The following CDK19 variants were observed in gnomAD, a reference collection of about 807,000 sequenced individuals.
CDK19 encodes the protein cyclin dependent kinase 19.
Under a neutral mutation model 68.3 loss-of-function variants are expected in CDK19, and 20 were observed. The ratio of observed to expected loss-of-function variants is 0.29; its 90% CI spans 0.21 to 0.43. The LOEUF (loss-of-function observed/expected upper bound fraction) is 0.43, where lower values mean the gene tolerates loss of function less well. CDK19 is among the 20% of genes least tolerant of loss of function. The probability of loss-of-function intolerance (pLI) is 1.00; values close to 1 mark genes in which losing one functional copy is unlikely to be tolerated. For synonymous variants in CDK19, 221 were observed against 222.8 expected, an observed-to-expected ratio of 0.99 and a Z score of 0.07; for missense variants, 339 against 623.5, an observed-to-expected ratio of 0.54 and a Z score of 4.86.
intron 2 of CDK19, among the ~76,000 whole-genome samples, chr6:110,723,891 C>T (rs1368434419): frequency 2.0e-5 from 3 of 152,028 alleles, no homozygotes; most frequent in East Asian, 3.9e-4. Flanking sequence ...ATTCTCTTCC[C>T]GTTATCTAGA....
intron 2 of CDK19, among the ~76,000 whole-genome samples, chr6:110,679,636 AAAAG>A (rs1357218884): frequency 4.6e-5 from 7 of 152,196 alleles, no homozygotes; most frequent in African/African-American, 1.7e-4. Context: ...TTTTTTTAAA[AAAAG>A]AAAGTTAAAT....
rs377512311 is a variant in CDK19, at chr6:110,628,532, A to G, written c.647-1387T>C. On this transcript the variant is annotated intron_variant, in intron 6 of 12. Coordinates refer to ENST00000368911, the MANE Select transcript of CDK19 (RefSeq NM_015076.5). The stretch of plus-strand genomic sequence containing the variant: ...TCATCCCTCTGTTCATCCACACTGT[A>G]TACTCACTACCCACTGGTTAGTCAC... Among the ~76,000 whole-genome samples, 113 of 152,314 alleles carry G rather than the reference A, an allele frequency of 7.4e-4. 1 individual carries two copies. Among genetic ancestry groups the G allele is most frequent in the Admixed American group, 2.5e-3 (38 of 15,300 alleles).
At chr6:110,801,313 T>C (rs1782329321) in intron 1 of CDK19, among the ~76,000 whole-genome samples, 1 of 151,952 alleles carries the variant, frequency 6.6e-6, no homozygotes. Context: ...AGTGAGACCC[T>C]GTCTCCACAA....
intron 2 of CDK19, among the ~76,000 whole-genome samples, chr6:110,692,806 G>T (rs1001965287): frequency 6.6e-6 from 1 of 152,174 alleles, no homozygotes; most frequent in African/African-American, 2.4e-5. Flanking sequence ...AGACCAGCCT[G>T]GCCAACATGG....
chr6:110,809,352 C>A (rs1283868481), intron 1 of CDK19, among the ~76,000 whole-genome samples: 3 of 151,996 alleles, frequency 2.0e-5, no homozygotes, highest in African/African-American at 7.3e-5. Context: ...AGTGAGACCT[C>A]GTCTCTACAA....
chr6:110,665,153 A>C (rs180954968), intron 4 of CDK19, among the ~76,000 whole-genome samples: 114 of 152,340 alleles, frequency 7.5e-4, no homozygotes, highest in Non-Finnish European at 1.5e-3. Flanking sequence ...AATTAGTCAG[A>C]AGGTCGAAAG....
chr6:110,741,747 A>C (rs556839222), intron 2 of CDK19, among the ~76,000 whole-genome samples: 2 of 152,182 alleles, frequency 1.3e-5, no homozygotes, highest in Non-Finnish European at 2.9e-5. Flanking sequence ...CAGAAAGCAG[A>C]GATGACACAG....
intron 1 of CDK19, among the ~76,000 whole-genome samples, chr6:110,812,812 T>TAAAAAAAAA (rs66478846): frequency 3.0e-5 from 3 of 101,618 alleles, no homozygotes; most frequent in Admixed American, 1.1e-4. Flanking sequence ...TTTAAAACAG[T>TAAAAAAAAA]AAAAAAAAAA....
chr6:110,614,192 TA>T lies in CDK19; in HGVS notation c.*342del. 5.4e-6 allele frequency: 1 copy of T among 184,700 alleles called. No homozygotes were observed. The highest frequency in any genetic ancestry group is 1.1e-5 in the Non-Finnish European group (1 of 88,194). 11.4% of individuals were successfully genotyped at this position (184,700 alleles called of 1,614,324 possible). Reference sequence around the variant, plus strand: ...TCCTATTAAAAGAGCTTTGAAAAGATAAACCATAGTGATTGCTACAGCATGA... The same window carrying T: ...TCCTATTAAAAGAGCTTTGAAAAGATAACCATAGTGATTGCTACAGCATGA... On this transcript the variant is annotated 3_prime_UTR_variant, in exon 13 of 13. Transcript: ENST00000368911.
intron 5 of CDK19, among the ~76,000 whole-genome samples, chr6:110,635,017 A>G (rs1012929514): frequency 1.3e-5 from 2 of 152,362 alleles, no homozygotes; most frequent in Non-Finnish European, 2.9e-5. Context: ...TGATTTAGAC[A>G]AAAGGTAATT....
chr6:110,667,685 C>T lies in CDK19; in HGVS notation c.316-111G>A, dbSNP rs947192195. 7.9e-6 allele frequency: 4 copies of T among 503,348 alleles called. No individual in the cohort carries two copies. In the African/African-American group the frequency reaches 8.0e-5, roughly 10 times the overall value. The allele number at this position is 503,348 out of a possible 1,614,324, so 31.2% of individuals were successfully genotyped here. A position where few individuals can be genotyped will look rare whatever the true frequency, so the allele number is the denominator to read the frequency against. ...ATATTTTAAAATTACTTATTAAAGG[C>T]CAATAATGACACAAAGAAAAATAAT... On this transcript the variant is annotated intron_variant, in intron 3 of 12. Coordinates refer to ENST00000368911, the MANE Select transcript of CDK19 (RefSeq NM_015076.5).
chr6:110,704,183 A>G (rs1448919562), intron 2 of CDK19, among the ~76,000 whole-genome samples: 2 of 152,238 alleles, frequency 1.3e-5, no homozygotes. Flanking sequence ...CAAAATGACT[A>G]GCCAGGATTG....
chr6:110,724,245 T>C (rs12197202), intron 2 of CDK19, among the ~76,000 whole-genome samples: 7,203 of 152,042 alleles, frequency 0.047, 177 homozygotes, highest in Middle Eastern at 0.078. Context: ...TCCCAGCTAC[T>C]TGGGAAGGCT....
chr6:110,649,450 T>C (rs921290100), intron 4 of CDK19, among the ~76,000 whole-genome samples: 2 of 152,112 alleles, frequency 1.3e-5, no homozygotes, highest in Non-Finnish European at 2.9e-5. Flanking sequence ...GATCCTAAGT[T>C]AGGGAAGAAT....
At chr6:110,641,015 G>A (rs1780112355) in intron 4 of CDK19, among the ~76,000 whole-genome samples, 1 of 152,120 alleles carries the variant, frequency 6.6e-6, no homozygotes, top group South Asian at 2.1e-4. Context: ...AGTCATACTA[G>A]CCAGAGGAGT....
chr6:110,700,102 G>A (rs1394323638), intron 2 of CDK19, among the ~76,000 whole-genome samples: 3 of 152,180 alleles, frequency 2.0e-5, no homozygotes, highest in East Asian at 3.9e-4. Flanking sequence ...ATTATGAACT[G>A]CATGTGCAAG....
At chr6:110,714,570 T>A (rs1775217257) in intron 2 of CDK19, among the ~76,000 whole-genome samples, 1 of 152,124 alleles carries the variant, frequency 6.6e-6, no homozygotes, top group Admixed American at 6.6e-5. Flanking sequence ...AGTTGTTATT[T>A]CCCTTTTGTT....
At position 110,815,233 on chromosome 6, in the gene CDK19, GCCGCCTCTCGCGCGCGCGCGCGCGCCGC is replaced by G. The variant is rs1003137205; in HGVS notation, c.-125_-98del. On this transcript the variant is annotated 5_prime_UTR_variant, in exon 1 of 13. Coordinates refer to ENST00000368911, the MANE Select transcript of CDK19 (RefSeq NM_015076.5). ...CGACCGCCGCTCCACTTCTCCAACA[GCCGCCTCTCGCGCGCGCGCGCGCGCCGC>G]CCGCCGCCCGCCGCTCCGCGGTCCG... 9.7e-4 allele frequency: 1,134 copies of G among 1,172,004 alleles called. 8 individuals are homozygous for G. Among genetic ancestry groups the G allele is most frequent in the Non-Finnish European group, 8.4e-4 (781 of 926,224 alleles). The allele number at this position is 1,172,004 out of a possible 1,614,324, so 72.6% of individuals were successfully genotyped here. A position where few individuals can be genotyped will look rare whatever the true frequency, so the allele number is the denominator to read the frequency against.
chr6:110,694,148 C>T (rs1773281256), intron 2 of CDK19, among the ~76,000 whole-genome samples: 2 of 150,114 alleles, frequency 1.3e-5, no homozygotes, highest in South Asian at 4.2e-4. Flanking sequence ...CATCTCCATA[C>T]TAATGTTGAA....
Sources: allele counts gnomAD v4.1 joint callset (sites outside exome capture counted in the v4.1 genomes callset), GRCh38; gene constraint gnomAD v4.1.1; transcripts MANE v1.5; gene names NCBI Gene and HGNC (gene_info 2026-07-23, HGNC 2026-07-21).